RERE: variants seen among roughly 807,000 people sequenced by gnomAD.
The protein encoded by RERE is arginine-glutamic acid dipeptide repeats.
Under a neutral mutation model 146.1 loss-of-function variants are expected in RERE, and 40 were observed. That is an observed-to-expected ratio of 0.27 (90% CI 0.21 to 0.36). The LOEUF (loss-of-function observed/expected upper bound fraction) is 0.36, where lower values mean the gene tolerates loss of function less well. Among genes scored for constraint, RERE ranks in the 10% least tolerant of loss-of-function variants. The pLI is 1.00. For missense variants in RERE, 1,933 were observed against 2,138.7 expected (o/e 0.90, Z 1.90); for synonymous variants, 1,003 against 866.0 (o/e 1.16, Z -2.78).
chr1:8,708,837 A>C (rs1639608022), intron 1 of RERE, among the ~76,000 whole-genome samples: 1 of 151,736 alleles, frequency 6.6e-6, no homozygotes, highest in Admixed American at 6.6e-5. Flanking sequence ...TTACAATTTT[A>C]AGCAAACTAT....
intron 4 of RERE, among the ~76,000 whole-genome samples, chr1:8,607,956 C>T (rs1023619947): frequency 2.0e-5 from 3 of 152,154 alleles, no homozygotes; most frequent in African/African-American, 7.2e-5. Flanking sequence ...GAACTCCTGA[C>T]TTCAAGTGAT....
chr1:8,359,882 A>G lies in RERE; in HGVS notation c.3500T>C (p.Ile1167Thr), dbSNP rs1383207352. Residue 1167 changes from isoleucine to threonine, a missense_variant, in exon 19 of 23, where the codon ATT (isoleucine) becomes ACT (threonine). Ile to Thr is a moderately conservative substitution (Grantham distance 89, BLOSUM62 -1). This residue lies in a region of RERE where 1,255 missense variants were observed against 1,153.8 expected (regional missense o/e 1.09). Transcript: ENST00000400908. ...SKLAKKREEA[I>T]EKAKREAEQK... ...CTCAGCCTCGCGCTTGGCCTTCTCA[A>G]TGGCCTCCTCCCTCTTCTTGGCCAG... 1 of 1,612,888 alleles carries G rather than the reference A, an allele frequency of 6.2e-7. No homozygotes were observed. Among genetic ancestry groups the G allele is most frequent in the Non-Finnish European group, 8.5e-7 (1 of 1,179,990 alleles).
chr1:8,637,401 C>T (rs1009367725), intron 2 of RERE, among the ~76,000 whole-genome samples: 2 of 152,142 alleles, frequency 1.3e-5, no homozygotes, highest in Non-Finnish European at 2.9e-5. Flanking sequence ...CACTTCTGTA[C>T]AGGTTTGATC....
chr1:8,553,285 C>A (rs1645961329), intron 6 of RERE, among the ~76,000 whole-genome samples: 1 of 151,518 alleles, frequency 6.6e-6, no homozygotes, highest in African/African-American at 2.4e-5. Flanking sequence ...TCCACACACA[C>A]GTGACACTAC....
At chr1:8,460,405 T>C (rs1192189844) in intron 11 of RERE, among the ~76,000 whole-genome samples, 1 of 151,346 alleles carries the variant, frequency 6.6e-6, no homozygotes, top group Non-Finnish European at 1.5e-5. Flanking sequence ...GAAAATTACT[T>C]TGCCATCTCA....
At chr1:8,760,331 G>C (rs12562311) in intron 1 of RERE, among the ~76,000 whole-genome samples, 6 of 152,244 alleles carry the variant, frequency 3.9e-5, no homozygotes, top group African/African-American at 1.4e-4. Flanking sequence ...CCAGCCCCTA[G>C]GCCTGTAATA....
In RERE at chr1:8,361,415, T is replaced by C. The variant is rs747342169; in HGVS notation, c.2092A>G (p.Ser698Gly). 1 of 1,613,950 alleles carries C rather than the reference T, an allele frequency of 6.2e-7. No individual in the cohort carries two copies. The highest frequency in any genetic ancestry group is 8.5e-7 in the Non-Finnish European group (1 of 1,179,932). The change falls in exon 18 of 23, where the codon AGC becomes GGC. Residue 698 changes from serine (S) to glycine (G), a missense_variant. This residue lies in a region of RERE where 1,255 missense variants were observed against 1,153.8 expected (regional missense o/e 1.09). Transcript: ENST00000400908. The part of the protein sequence containing the change: ...SDSRSVNDEG[S>G]SDPKDIDQDN... ...TGGTCGATGTCTTTGGGGTCACTGCTACCCTCATCGTTGACGCTGCGACTG... is the reference window on the plus strand; with the variant it reads ...TGGTCGATGTCTTTGGGGTCACTGCCACCCTCATCGTTGACGCTGCGACTG...
At position 8,525,320 on chromosome 1, in the gene RERE, A is replaced by G. The variant is rs1483744067; in HGVS notation, c.830+15894T>C. On this transcript the variant is annotated intron_variant, in intron 7 of 22. Transcript: ENST00000400908. ...CACCCACCTTCAAAGCAACCAATAG[A>G]AGCCCACCTACCATCCTTCCTAAAA... Among the ~76,000 whole-genome samples the G allele has an allele frequency of 2.6e-5, 4 of 152,338 alleles. No homozygotes were observed. The East Asian group carries it at 5.8e-4, about 22-fold the overall frequency.
At chr1:8,753,235 C>T (rs1640574432) in intron 1 of RERE, among the ~76,000 whole-genome samples, 1 of 152,176 alleles carries the variant, frequency 6.6e-6, no homozygotes, top group African/African-American at 2.4e-5. Flanking sequence ...AATATAAACA[C>T]ACTTCCCCAT....
At chr1:8,809,498 AG>A (rs1641753107) in intron 1 of RERE, among the ~76,000 whole-genome samples, 2 of 152,202 alleles carry the variant, frequency 1.3e-5, no homozygotes, top group Admixed American at 6.5e-5. Flanking sequence ...CATGCTTTCC[AG>A]GGAACAGACA....
intron 10 of RERE, among the ~76,000 whole-genome samples, chr1:8,488,086 C>CAA (rs61502634): frequency 0.026 from 3,306 of 126,096 alleles, 50 homozygotes; most frequent in Middle Eastern, 0.06. Flanking sequence ...TTTTTTTAAT[C>CAA]AAAAAAAAAA....
chr1:8,462,560 GC>G (rs1359392503), intron 11 of RERE, among the ~76,000 whole-genome samples: 2 of 152,216 alleles, frequency 1.3e-5, no homozygotes, highest in South Asian at 2.1e-4. Context: ...AGGTGCAGAG[GC>G]CCAGCCTGTC....
At chr1:8,569,564 T>C (rs1646194556) in intron 4 of RERE, among the ~76,000 whole-genome samples, 1 of 152,186 alleles carries the variant, frequency 6.6e-6, no homozygotes, top group Non-Finnish European at 1.5e-5. Flanking sequence ...GCAGAGATTT[T>C]ACAATTAAAA....
At chr1:8,772,416 C>G (rs1640969885) in intron 1 of RERE, among the ~76,000 whole-genome samples, 1 of 152,044 alleles carries the variant, frequency 6.6e-6, no homozygotes, top group African/African-American at 2.4e-5. Flanking sequence ...CATACTGTAC[C>G]TTGCTCTGAT....
chr1:8,578,085 C>T (rs555997181), intron 4 of RERE, among the ~76,000 whole-genome samples: 3 of 151,026 alleles, frequency 2.0e-5, no homozygotes, highest in African/African-American at 7.3e-5. Context: ...AGCAGGACTC[C>T]ATCCGGGAAA....
intron 11 of RERE, among the ~76,000 whole-genome samples, chr1:8,457,657 C>G (rs1644468569): frequency 6.6e-6 from 1 of 152,064 alleles, no homozygotes; most frequent in African/African-American, 2.4e-5. Context: ...GACTGGAGTG[C>G]AGTGGCACAA....
At chr1:8,553,969 G>A (rs1645972328) in intron 6 of RERE, among the ~76,000 whole-genome samples, 1 of 152,150 alleles carries the variant, frequency 6.6e-6, no homozygotes, top group African/African-American at 2.4e-5. Flanking sequence ...TTGAGGTCAG[G>A]AGTTCAAGAC....
At position 8,547,087 on chromosome 1, in the gene RERE, T is replaced by TAA. The variant is rs149634313; in HGVS notation, c.726-5771_726-5770dup. Reference sequence around the variant, plus strand: ...TACAAATACCAACAAGCTTTTTTTTTAAAAAAAAAAAAACAAAATATTAAG... The same window carrying TAA: ...TACAAATACCAACAAGCTTTTTTTTTAAAAAAAAAAAAAAACAAAATATTAAG... On this transcript the variant is annotated intron_variant, in intron 6 of 22. Transcript: ENST00000400908. 3.7e-3 allele frequency among the ~76,000 whole-genome samples: 537 copies of TAA among 143,244 alleles called. 3 individuals carry two copies. Among genetic ancestry groups the TAA allele is most frequent in the Non-Finnish European group, 5.4e-3 (355 of 65,206 alleles). 94.0% of individuals were successfully genotyped at this position (143,244 alleles called of 152,430 possible). A position where few individuals can be genotyped will look rare whatever the true frequency, so the allele number is the denominator to read the frequency against.
intron 4 of RERE, among the ~76,000 whole-genome samples, chr1:8,600,408 T>C (rs1304395802): frequency 2.0e-5 from 3 of 152,214 alleles, no homozygotes; most frequent in African/African-American, 7.2e-5. Context: ...TCAGATATCT[T>C]TGTGCATTTC....
Sources: allele counts gnomAD v4.1 joint callset (sites outside exome capture counted in the v4.1 genomes callset), GRCh38; gene constraint gnomAD v4.1.1; regional missense constraint gnomAD v4.1.1; transcripts MANE v1.5; gene names NCBI Gene and HGNC (gene_info 2026-07-23, HGNC 2026-07-21).